The following TGM6 variants were observed in gnomAD, a reference collection of about 807,000 sequenced individuals.
TGM6 encodes protein-glutamine gamma-glutamyltransferase 6.
TGM6 carries 74 observed loss-of-function variants against 77.5 expected under a neutral mutation model. The ratio of observed to expected loss-of-function variants is 0.96; its 90% CI spans 0.79 to 1.16. The LOEUF (loss-of-function observed/expected upper bound fraction) is 1.16, where lower values mean the gene tolerates loss of function less well. TGM6 is among the 50% of genes most tolerant of loss of function. The probability of loss-of-function intolerance (pLI) is 0.00; values close to 1 mark genes in which losing one functional copy is unlikely to be tolerated. For missense variants in TGM6, 968 were observed against 940.2 expected, an observed-to-expected ratio of 1.03 and a Z score of -0.39; for synonymous variants, 383 against 378.9, an observed-to-expected ratio of 1.01 and a Z score of -0.12.
intron 10 of TGM6, 126 bp downstream of exon 10, chr20:2,417,699 T>A: frequency 9.1e-7 from 1 of 1,094,456 alleles, no homozygotes; most frequent in Non-Finnish European, 1.3e-6. Context: ...TCCTGAGCAT[T>A]GTGCTCAGTG....
At chr20:2,431,106 G>C in intron 12 of TGM6, 79 bp downstream of exon 12, 1 of 1,583,864 alleles carries the variant, frequency 6.3e-7, no homozygotes, top group African/African-American at 1.3e-5. Context: ...TGCCAGGGAT[G>C]GGGGTGTGAG....
At chr20:2,406,197 T>C (rs187043591) in intron 9 of TGM6, among the ~76,000 whole-genome samples, 4 of 152,298 alleles carry the variant, frequency 2.6e-5, no homozygotes, top group African/African-American at 9.6e-5. Flanking sequence ...GACTATGTGG[T>C]AAGGCCTCTT....
At chr20:2,429,510 C>G (rs546541250) in intron 10 of TGM6, among the ~76,000 whole-genome samples, 1 of 151,250 alleles carries the variant, frequency 6.6e-6, no homozygotes, top group East Asian at 1.9e-4. Flanking sequence ...GTGGCTCACA[C>G]CTGTAATCCC....
intron 1 of TGM6, among the ~76,000 whole-genome samples, chr20:2,382,921 G>A (rs1398024418): frequency 1.3e-5 from 2 of 152,140 alleles, no homozygotes; most frequent in East Asian, 3.8e-4. Context: ...AGACCCTTTT[G>A]CCATGATTAA....
At chr20:2,412,891 T>C (rs1204422783) in intron 9 of TGM6, among the ~76,000 whole-genome samples, 2 of 152,182 alleles carry the variant, frequency 1.3e-5, no homozygotes, top group Non-Finnish European at 2.9e-5. Flanking sequence ...TCTAAATAAA[T>C]GAAAAGGCAT....
intron 10 of TGM6, among the ~76,000 whole-genome samples, chr20:2,427,076 A>T (rs1599972373): frequency 6.6e-6 from 1 of 151,504 alleles, no homozygotes; most frequent in Admixed American, 6.6e-5. Context: ...AATTGCTATA[A>T]TTTTTTTTTC....
At position 2,432,661 on chromosome 20, in the gene TGM6, A is replaced by C; in HGVS notation, c.*18A>C. ...CCAAGTGATGGATCATGAGGGACTGAGAGGGGTGGATTTGGCCCCTGTCCT... is the reference window on the plus strand; with the variant it reads ...CCAAGTGATGGATCATGAGGGACTGCGAGGGGTGGATTTGGCCCCTGTCCT... On this transcript the variant is annotated 3_prime_UTR_variant, in exon 13 of 13. Transcript: ENST00000202625. 1 of 1,613,994 alleles carries C rather than the reference A, an allele frequency of 6.2e-7. No homozygotes were observed. Among genetic ancestry groups the C allele is most frequent in the African/African-American group, 1.3e-5 (1 of 74,992 alleles).
intron 1 of TGM6, among the ~76,000 whole-genome samples, chr20:2,394,136 C>T (rs1003205002): frequency 1.3e-5 from 2 of 151,980 alleles, no homozygotes; most frequent in African/African-American, 4.8e-5. Flanking sequence ...CAAAAATATA[C>T]AAAGAAATTA....
At chr20:2,389,149 C>T (rs1373001031) in intron 1 of TGM6, among the ~76,000 whole-genome samples, 2 of 152,162 alleles carry the variant, frequency 1.3e-5, no homozygotes, top group Non-Finnish European at 2.9e-5. Flanking sequence ...CATCTTCCAC[C>T]ATGGTCTCTC....
intron 3 of TGM6, among the ~76,000 whole-genome samples, chr20:2,396,007 C>A (rs1009789881): frequency 3.3e-5 from 5 of 151,930 alleles, no homozygotes; most frequent in African/African-American, 1.2e-4. Flanking sequence ...ATGGAGAAAT[C>A]CCGTCTCTAC....
intron 10 of TGM6, among the ~76,000 whole-genome samples, chr20:2,422,794 C>CA (rs1039883541): frequency 2.6e-5 from 4 of 150,950 alleles, no homozygotes; most frequent in South Asian, 2.1e-4. Flanking sequence ...AGGAAGAAAA[C>CA]AAAAAAAATT....
chr20:2,425,651 A>C (rs2084882937), intron 10 of TGM6, among the ~76,000 whole-genome samples: 1 of 152,184 alleles, frequency 6.6e-6, no homozygotes, highest in Admixed American at 6.5e-5. Flanking sequence ...ACAATTGTAC[A>C]ATTGTACTGA....
intron 10 of TGM6, among the ~76,000 whole-genome samples, chr20:2,422,235 A>G (rs2084861637): frequency 6.6e-6 from 1 of 152,200 alleles, no homozygotes; most frequent in Admixed American, 6.5e-5. Flanking sequence ...TCAATGATTC[A>G]GTTTAGTACA....
chr20:2,422,309 C>T (rs562272373), intron 10 of TGM6, among the ~76,000 whole-genome samples: 1 of 152,316 alleles, frequency 6.6e-6, no homozygotes, highest in Non-Finnish European at 1.5e-5. Context: ...CCAGTTGCTT[C>T]AGCACCATTT....
chr20:2,387,654 G>A (rs974052700), intron 1 of TGM6, among the ~76,000 whole-genome samples: 5 of 152,240 alleles, frequency 3.3e-5, no homozygotes, highest in African/African-American at 4.8e-5. Context: ...TTGGGAGGTT[G>A]TTGTGGTCTA....
chr20:2,417,994 C>A (rs544306011), intron 10 of TGM6, among the ~76,000 whole-genome samples: 6 of 152,070 alleles, frequency 3.9e-5, no homozygotes, highest in Non-Finnish European at 5.9e-5. Flanking sequence ...GGACTGGTAA[C>A]AGATGGTTTT....
Position 2,417,384 on chromosome 20 carries a change from G to A in TGM6, c.1489G>A (p.Gly497Ser), listed in dbSNP as rs1360740194. 3 of 1,613,772 alleles carry A rather than the reference G, an allele frequency of 1.9e-6. No individual in the cohort carries two copies. Among genetic ancestry groups the A allele is most frequent in the South Asian group, 1.1e-5 (1 of 91,082 alleles). ...LEPATKPSIA[G>S]KFKVLEPPML... The stretch of plus-strand genomic sequence containing the variant: ...GCCTGCCACCAAGCCCAGCATCGCT[G>A]GCAAGTTCAAGGTGCTAGAGCCTCC... Residue 497 changes from glycine (G) to serine (S), a missense_variant, in exon 10 of 13, where the codon GGC becomes AGC. Coordinates refer to ENST00000202625, the MANE Select transcript of TGM6 (RefSeq NM_198994.3).
intron 7 of TGM6, among the ~76,000 whole-genome samples, chr20:2,402,437 C>T: frequency 6.6e-6 from 1 of 152,020 alleles, no homozygotes; most frequent in African/African-American, 2.4e-5. Flanking sequence ...CTCTTCATTC[C>T]CTTGCCCTGG....
At chr20:2,407,259 T>C (rs1417460116) in intron 9 of TGM6, among the ~76,000 whole-genome samples, 2 of 152,248 alleles carry the variant, frequency 1.3e-5, no homozygotes, top group Non-Finnish European at 2.9e-5. Flanking sequence ...AGTAACAGTA[T>C]CTAGAACTTG....
Sources: allele counts gnomAD v4.1 joint callset (sites outside exome capture counted in the v4.1 genomes callset), GRCh38; gene constraint gnomAD v4.1.1; transcripts MANE v1.5; gene names NCBI Gene and HGNC (gene_info 2026-07-23, HGNC 2026-07-21).